PI4KB: variants seen among roughly 807,000 people sequenced by gnomAD.
PI4KB encodes the protein phosphatidylinositol 4-kinase beta, also known as PtdIns 4-kinase beta.
Under a neutral mutation model 81.4 loss-of-function variants are expected in PI4KB, and 23 were observed. The ratio of observed to expected loss-of-function variants is 0.28; its 90% CI spans 0.20 to 0.40. The LOEUF (loss-of-function observed/expected upper bound fraction) is 0.40, where lower values mean the gene tolerates loss of function less well. PI4KB is among the 10% of genes least tolerant of loss of function. The pLI is 1.00. For synonymous variants in PI4KB, 381 were observed against 406.8 expected (o/e 0.94, Z 0.76); for missense variants, 651 against 1,036.6 (o/e 0.63, Z 5.11).
intron 9 of PI4KB, among the ~76,000 whole-genome samples, chr1:151,297,107 TTAGC>T (rs1694864022): frequency 6.6e-6 from 1 of 152,160 alleles, no homozygotes; most frequent in Admixed American, 6.5e-5. Flanking sequence ...AGCTGCTCTG[TTAGC>T]TAGCTAGCTA....
intron 3 of PI4KB, 134 bp downstream of exon 3, chr1:151,310,077 G>A (rs1696084537): frequency 1.5e-6 from 1 of 658,448 alleles, no homozygotes; most frequent in Non-Finnish European, 2.8e-6. Flanking sequence ...CTGGGAGGGA[G>A]GAGCTGATCT....
At chr1:151,321,040 A>G (rs1648774541) in intron 1 of PI4KB, among the ~76,000 whole-genome samples, 1 of 152,268 alleles carries the variant, frequency 6.6e-6, no homozygotes, top group Admixed American at 6.5e-5. Flanking sequence ...AAATAAGGAT[A>G]CTATCACCTC....
chr1:151,325,785 C>G (rs563305322), intron 1 of PI4KB, among the ~76,000 whole-genome samples: 2 of 152,252 alleles, frequency 1.3e-5, no homozygotes, highest in South Asian at 4.1e-4. Flanking sequence ...CTGAGGAACC[C>G]AAAATGTTTT....
At position 151,292,745 on chromosome 1, in the gene PI4KB, G is replaced by T; in HGVS notation, c.*107C>A. 1 of 971,898 alleles carries T rather than the reference G, an allele frequency of 1.0e-6. No homozygotes were observed. Among genetic ancestry groups the T allele is most frequent in the Non-Finnish European group, 1.5e-6 (1 of 658,680 alleles). The allele number at this position is 971,898 out of a possible 1,614,324, so 60.2% of individuals were successfully genotyped here. A position where few individuals can be genotyped will look rare whatever the true frequency, so the allele number is the denominator to read the frequency against. Reference sequence around the variant, plus strand: ...GTGTTTCTTGCCTTCCATTTCCCTTGGGTGGATGGTTGGGTAGGTGGGGTT... The same window carrying T: ...GTGTTTCTTGCCTTCCATTTCCCTTTGGTGGATGGTTGGGTAGGTGGGGTT... On this transcript the variant is annotated 3_prime_UTR_variant, in exon 12 of 12. Transcript: ENST00000368873.
At chr1:151,293,942 C>T (rs755310394) in intron 11 of PI4KB, 76 bp downstream of exon 11, 2 of 1,561,070 alleles carry the variant, frequency 1.3e-6, no homozygotes, top group Non-Finnish European at 1.8e-6. Context: ...GTGGGATCAG[C>T]TTTCTTATGC....
chr1:151,302,097 T>C (rs1230165220), intron 7 of PI4KB, 97 bp downstream of exon 7: 1 of 1,538,034 alleles, frequency 6.5e-7, no homozygotes, highest in Non-Finnish European at 8.9e-7. Context: ...GCCTGACAGA[T>C]TTTTTTGGAG....
intron 9 of PI4KB, among the ~76,000 whole-genome samples, chr1:151,298,160 G>A (rs924555684): frequency 3.3e-5 from 5 of 152,200 alleles, no homozygotes; most frequent in African/African-American, 1.2e-4. Flanking sequence ...TCATATGCTG[G>A]AATAAGAAGT....
rs1174884310 is a variant in PI4KB at position 151,298,942 on chromosome 1, C to T, written c.1881G>A (p.Gln627=). ...VSIHQVKKQS[Q]LSLLDYFLQE... Reference sequence around the variant, plus strand: ...GTAGGAAGTAATCGAGCAAGGAGAGCTGTGACTGTTTCTTCACCTGATGGA... The same window carrying T: ...GTAGGAAGTAATCGAGCAAGGAGAGTTGTGACTGTTTCTTCACCTGATGGA... The change falls in exon 9 of 12, where the codon CAG becomes CAA. Residue 627 remains glutamine, a synonymous_variant. Coordinates refer to ENST00000368873, the MANE Select transcript of PI4KB (RefSeq NM_001369623.2). 2.5e-6 allele frequency: 4 copies of T among 1,614,070 alleles called. No individual in the cohort carries two copies. Among genetic ancestry groups the T allele is most frequent in the Non-Finnish European group, 3.4e-6 (4 of 1,180,034 alleles).
At chr1:151,303,948 T>A (rs1354778971) in intron 5 of PI4KB, among the ~76,000 whole-genome samples, 1 of 152,188 alleles carries the variant, frequency 6.6e-6, no homozygotes, top group South Asian at 2.1e-4. Flanking sequence ...AGACTTCCAA[T>A]GCACTAAAGT....
chr1:151,303,468 A>G (rs1695477000), intron 6 of PI4KB, 73 bp downstream of exon 6: 1 of 897,298 alleles, frequency 1.1e-6, no homozygotes, highest in South Asian at 1.3e-5. Context: ...TGAGATGGAG[A>G]GGAAGGTAAC....
chr1:151,315,875 G>A lies in PI4KB; in HGVS notation c.607C>T (p.Arg203Cys), dbSNP rs1479903252. ...TGGAGGGAAAAGTTAATGCTCTGGC[G>A]GCAACGGTGGACTATGTAGGGCTTA... ...AIKPYIVHRC[R>C]QSINFSLQCA... The change falls in exon 2 of 12, where the codon CGC becomes TGC. Residue 203 changes from arginine to cysteine, a missense_variant. By Grantham distance (180) the Arg-to-Cys change is radical. Coordinates refer to ENST00000368873, the MANE Select transcript of PI4KB (RefSeq NM_001369623.2). 6 of 1,614,072 alleles carry A rather than the reference G, an allele frequency of 3.7e-6. No individual in the cohort carries two copies. The highest frequency in any genetic ancestry group is 3.3e-5 in the Admixed American group (2 of 60,010).
chr1:151,317,336 A>G (rs1648118638), intron 1 of PI4KB, among the ~76,000 whole-genome samples: 1 of 151,618 alleles, frequency 6.6e-6, no homozygotes, highest in Admixed American at 6.6e-5. Flanking sequence ...ATTATTTTTG[A>G]GACAGGGTCT....
At chr1:151,304,654 TTTTTG>T (rs757233001) in intron 5 of PI4KB, among the ~76,000 whole-genome samples, 15 of 148,766 alleles carry the variant, frequency 1.0e-4, no homozygotes, top group East Asian at 2.0e-4. Flanking sequence ...CCTGGCTGTG[TTTTTG>T]TTTTGTTTTG....
intron 4 of PI4KB, among the ~76,000 whole-genome samples, chr1:151,306,791 T>C (rs1695796058): frequency 6.6e-6 from 1 of 152,096 alleles, no homozygotes; most frequent in African/African-American, 2.4e-5. Flanking sequence ...GAAAGAAGAA[T>C]ATGGGCCGGG....
At chr1:151,303,860 C>A (rs1467481922) in intron 5 of PI4KB, among the ~76,000 whole-genome samples, 1 of 152,126 alleles carries the variant, frequency 6.6e-6, no homozygotes, top group Non-Finnish European at 1.5e-5. Context: ...ATGCAGATTC[C>A]CAGGCCCCAC....
In PI4KB at chr1:151,316,400, A is replaced by AC. The variant is rs1325521161; in HGVS notation, c.81dup (p.Ser28ValfsTer17). The AC allele has an allele frequency of 1.9e-6, 3 of 1,595,210 alleles. No individual in the cohort carries two copies. The highest frequency in any genetic ancestry group is 2.2e-5 in the East Asian group (1 of 44,654). On this transcript the variant is annotated frameshift_variant, in exon 2 of 12. Transcript: ENST00000368873. LOFTEE classifies it high-confidence loss of function. ...CCCTCCGTGATGACACTTAGCAGGG[A>AC]CCCCCCATTATTCCCTGGTGGGCCA...
At chr1:151,327,176 C>T (rs1246697582) in intron 1 of PI4KB, 95 bp downstream of exon 1, 1 of 393,904 alleles carries the variant, frequency 2.5e-6, no homozygotes, top group Admixed American at 4.4e-5. Context: ...CGTAGTCGAA[C>T]TCAGGTGGGG....
intron 11 of PI4KB, 96 bp downstream of exon 11, chr1:151,293,922 A>T: frequency 7.1e-7 from 1 of 1,402,996 alleles, no homozygotes; most frequent in African/African-American, 1.4e-5. Context: ...CCCTCCCTCA[A>T]CCGAGTCTCG....
intron 1 of PI4KB, among the ~76,000 whole-genome samples, chr1:151,325,115 C>T (rs1228635161): frequency 3.3e-5 from 5 of 151,728 alleles, no homozygotes; most frequent in East Asian, 1.9e-4. Context: ...CTTCAGCCTC[C>T]GGAGTAGCTG....
Sources: allele counts gnomAD v4.1 joint callset (sites outside exome capture counted in the v4.1 genomes callset), GRCh38; gene constraint gnomAD v4.1.1; transcripts MANE v1.5; gene names NCBI Gene and HGNC (gene_info 2026-07-23, HGNC 2026-07-21).